The following GALNTL6 variants were observed in gnomAD, a reference collection of about 807,000 sequenced individuals.
The protein encoded by GALNTL6 is polypeptide N-acetylgalactosaminyltransferase-like 6.
GALNTL6 carries 46 observed loss-of-function variants against 73.7 expected under a neutral mutation model. The observed-to-expected ratio is 0.62, with a 90% CI of 0.49 to 0.80. The LOEUF is 0.80. Among genes scored for constraint, GALNTL6 ranks in the 30% least tolerant of loss-of-function variants. GALNTL6 has a pLI of 0.00. For missense variants in GALNTL6, 604 were observed against 755.0 expected (o/e 0.80, Z 2.34); for synonymous variants, 259 against 263.7 (o/e 0.98, Z 0.17).
intron 5 of GALNTL6, among the ~76,000 whole-genome samples, chr4:172,780,667 C>G (rs1332498347): frequency 6.6e-6 from 1 of 152,170 alleles, no homozygotes; most frequent in Non-Finnish European, 1.5e-5. Flanking sequence ...ATGGAAATAT[C>G]TGTTTCATTC....
chr4:172,525,312 C>T (rs1442146708), intron 5 of GALNTL6, among the ~76,000 whole-genome samples: 1 of 152,142 alleles, frequency 6.6e-6, no homozygotes, highest in Non-Finnish European at 1.5e-5. Context: ...GGAGAATTGA[C>T]ATCTTTGCAA....
chr4:171,927,573 T>C (rs1738027615), intron 2 of GALNTL6, among the ~76,000 whole-genome samples: 1 of 152,120 alleles, frequency 6.6e-6, no homozygotes, highest in Non-Finnish European at 1.5e-5. Context: ...CATTATGTCA[T>C]TAGGCTGTGC....
At chr4:172,390,260 C>T (rs966355716) in intron 5 of GALNTL6, among the ~76,000 whole-genome samples, 3 of 152,174 alleles carry the variant, frequency 2.0e-5, no homozygotes, top group Non-Finnish European at 4.4e-5. Flanking sequence ...TTAACATACT[C>T]TTGGGTTACC....
Position 172,903,310 on chromosome 4 carries a change from G to A in GALNTL6, c.1041+20403G>A, listed in dbSNP as rs555242316. 5.9e-5 allele frequency among the ~76,000 whole-genome samples: 9 copies of A among 152,178 alleles called. No homozygotes were observed. In the South Asian group the frequency reaches 1.9e-3, roughly 32 times the overall value. ...CCATTTTTGTCCCGATTTACTGCAG[G>A]GATTTTAACTAACTAGTCAGACTTG... On this transcript the variant is annotated intron_variant, in intron 8 of 12. Transcript: ENST00000506823.
chr4:172,132,774 CCT>C (rs1347445375), intron 2 of GALNTL6, among the ~76,000 whole-genome samples: 4 of 152,046 alleles, frequency 2.6e-5, no homozygotes, highest in African/African-American at 9.7e-5. Context: ...TAAAAATGTT[CCT>C]CTTTGAGATT....
chr4:172,360,369 A>T (rs1039601722), intron 5 of GALNTL6, among the ~76,000 whole-genome samples: 29 of 152,128 alleles, frequency 1.9e-4, no homozygotes, highest in African/African-American at 7.0e-4. Flanking sequence ...CTTAATAATT[A>T]TTACCTTGAT....
At chr4:172,715,684 C>T (rs1289217863) in intron 5 of GALNTL6, among the ~76,000 whole-genome samples, 1 of 152,110 alleles carries the variant, frequency 6.6e-6, no homozygotes, top group Admixed American at 6.5e-5. Flanking sequence ...GTTAACAATT[C>T]TATTTAAATC....
chr4:172,674,988 C>G (rs1228199538), intron 5 of GALNTL6, among the ~76,000 whole-genome samples: 1 of 152,152 alleles, frequency 6.6e-6, no homozygotes, highest in Non-Finnish European at 1.5e-5. Flanking sequence ...TCAGCCATCT[C>G]AGCCAATTCA....
intron 3 of GALNTL6, among the ~76,000 whole-genome samples, chr4:172,296,468 C>A (rs1200313530): frequency 6.6e-6 from 1 of 152,124 alleles, no homozygotes; most frequent in Non-Finnish European, 1.5e-5. Flanking sequence ...CCCGTTAACT[C>A]ATCATTTAAC....
intron 2 of GALNTL6, among the ~76,000 whole-genome samples, chr4:172,163,726 G>A (rs941577241): frequency 6.6e-6 from 1 of 151,996 alleles, no homozygotes; most frequent in Non-Finnish European, 1.5e-5. Flanking sequence ...AGCATCTGTT[G>A]AGAGCCATCT....
chr4:172,117,312 C>A (rs1003740612), intron 2 of GALNTL6, among the ~76,000 whole-genome samples: 2 of 152,064 alleles, frequency 1.3e-5, no homozygotes, highest in Non-Finnish European at 2.9e-5. Context: ...AAATGTTATT[C>A]TAATTGAGTC....
intron 10 of GALNTL6, 105 bp from the exon 11 acceptor site, chr4:173,009,073 C>T: frequency 5.3e-6 from 4 of 759,026 alleles, no homozygotes; most frequent in South Asian, 1.6e-5. Context: ...ATGCATGTAA[C>T]CAAAAAGATA....
chr4:172,379,623 A>G (rs1184783756), intron 5 of GALNTL6, among the ~76,000 whole-genome samples: 3 of 151,022 alleles, frequency 2.0e-5, no homozygotes, highest in Non-Finnish European at 4.4e-5. Context: ...AGGAGCTCAT[A>G]AATTAAAATA....
intron 5 of GALNTL6, among the ~76,000 whole-genome samples, chr4:172,443,075 CAT>C: frequency 7.7e-6 from 1 of 130,348 alleles, no homozygotes; most frequent in Admixed American, 8.5e-5. Flanking sequence ...AACTTGTAAA[CAT>C]TGACAAACAT....
intron 7 of GALNTL6, among the ~76,000 whole-genome samples, chr4:172,829,148 A>G (rs960336745): frequency 6.6e-6 from 1 of 152,230 alleles, no homozygotes; most frequent in Non-Finnish European, 1.5e-5. Flanking sequence ...AACACAGGAC[A>G]AAGGCATGCA....
chr4:172,455,373 T>C (rs1732357740), intron 5 of GALNTL6, among the ~76,000 whole-genome samples: 1 of 151,882 alleles, frequency 6.6e-6, no homozygotes, highest in Admixed American at 6.6e-5. Context: ...TTCACTCCCC[T>C]GGAAAGGGGG....
chr4:172,443,167 T>C (rs1579075858), intron 5 of GALNTL6, among the ~76,000 whole-genome samples: 3 of 82,036 alleles, frequency 3.7e-5, no homozygotes. Context: ...TATATATTTC[T>C]TTTTTTTTTT....
intron 5 of GALNTL6, among the ~76,000 whole-genome samples, chr4:172,781,174 A>G (rs569600697): frequency 6.6e-6 from 1 of 152,244 alleles, no homozygotes; most frequent in South Asian, 2.1e-4. Context: ...GAGAGCAGCG[A>G]CAGGTACCAA....
chr4:172,035,703 T>G (rs770445665), intron 2 of GALNTL6, among the ~76,000 whole-genome samples: 19 of 152,114 alleles, frequency 1.2e-4, no homozygotes, highest in Non-Finnish European at 2.6e-4. Context: ...CAAAGCGACA[T>G]GGAGCACTCC....
Sources: allele counts gnomAD v4.1 joint callset (sites outside exome capture counted in the v4.1 genomes callset), GRCh38; gene constraint gnomAD v4.1.1; transcripts MANE v1.5; gene names NCBI Gene and HGNC (gene_info 2026-07-23, HGNC 2026-07-21).